Variants in DNAH8 observed in about 807,000 individuals in gnomAD.
DNAH8 encodes the protein dynein axonemal heavy chain 8, also known as axonemal beta dynein heavy chain 8.
Under a neutral mutation model 562.1 loss-of-function variants are expected in DNAH8, and 382 were observed. That is an observed-to-expected ratio of 0.68 (90% CI 0.63 to 0.74). The LOEUF is 0.74. Ranked by LOEUF, DNAH8 falls within the 30% of genes least tolerant of loss-of-function variation. The pLI is 0.00. For synonymous variants in DNAH8, 1,881 were observed against 1,919.4 expected, an observed-to-expected ratio of 0.98 and a Z score of 0.52; for missense variants, 5,203 against 5,620.4, an observed-to-expected ratio of 0.93 and a Z score of 2.37.
At chr6:38,805,251 T>C (rs1309974365) in intron 22 of DNAH8, among the ~76,000 whole-genome samples, 1 of 152,250 alleles carries the variant, frequency 6.6e-6, no homozygotes, top group Non-Finnish European at 1.5e-5. Flanking sequence ...CTAGATTGTA[T>C]ATTTACAGAG....
At chr6:38,883,506 TA>T (rs1778672546) in intron 55 of DNAH8, 50 bp downstream of exon 55, 1 of 1,527,078 alleles carries the variant, frequency 6.5e-7, no homozygotes, top group Non-Finnish European at 8.9e-7. Context: ...CATTTTAAAT[TA>T]GTGGTTACAA....
intron 57 of DNAH8, among the ~76,000 whole-genome samples, chr6:38,888,840 A>G (rs187980856): frequency 2.5e-4 from 38 of 152,370 alleles, no homozygotes; most frequent in South Asian, 1.7e-3. Context: ...CCCTGCTGGT[A>G]AAGTAGGGCG....
intron 35 of DNAH8, among the ~76,000 whole-genome samples, chr6:38,843,874 A>G (rs949609821): frequency 5.3e-5 from 8 of 152,056 alleles, no homozygotes; most frequent in African/African-American, 1.7e-4. Flanking sequence ...TTCCTTGTCT[A>G]GTGGCTTTGT....
chr6:38,976,088 G>A (rs1763652963), intron 85 of DNAH8, among the ~76,000 whole-genome samples: 2 of 152,250 alleles, frequency 1.3e-5, no homozygotes, highest in Admixed American at 6.5e-5. Context: ...TACCAGTGGA[G>A]TGTCCAGGAA....
intron 66 of DNAH8, 116 bp downstream of exon 66, chr6:38,911,702 G>T: frequency 1.4e-6 from 1 of 717,718 alleles, no homozygotes; most frequent in Non-Finnish European, 2.3e-6. Context: ...TTTGTTAGTA[G>T]TAGATAATTT....
rs1417803467 is a variant in DNAH8, at chr6:38,772,420, T to C, written c.1764+1861T>C. On this transcript the variant is annotated intron_variant, in intron 12 of 92. Coordinates refer to ENST00000327475, the MANE Select transcript of DNAH8 (RefSeq NM_001206927.2). ...CTACTGGGTATGAAGTGGTATCTCATTGAAGTTTTGATTTGCATTTCCCTG... is the reference window on the plus strand; with the variant it reads ...CTACTGGGTATGAAGTGGTATCTCACTGAAGTTTTGATTTGCATTTCCCTG... 2.6e-5 allele frequency among the ~76,000 whole-genome samples: 4 copies of C among 152,214 alleles called. No individual in the cohort carries two copies. The South Asian group carries it at 6.2e-4, about 24-fold the overall frequency.
At chr6:38,725,818 G>A (rs144999578) in intron 3 of DNAH8, among the ~76,000 whole-genome samples, 3 of 152,230 alleles carry the variant, frequency 2.0e-5, no homozygotes, top group African/African-American at 4.8e-5. Flanking sequence ...TTTTCATTTT[G>A]CACTATGTTC....
chr6:39,020,250 A>G (rs2281345), intron 91 of DNAH8, among the ~76,000 whole-genome samples: 80,983 of 152,002 alleles, frequency 0.53, 23,598 homozygotes, highest in Non-Finnish European at 0.66. Flanking sequence ...GGCCCTGGAA[A>G]GAGTCAGCTT....
At chr6:38,855,590 G>A (rs1476744935) in intron 41 of DNAH8, among the ~76,000 whole-genome samples, 2 of 152,124 alleles carry the variant, frequency 1.3e-5, no homozygotes, top group African/African-American at 4.8e-5. Context: ...CTTGTGATCA[G>A]ATGAGAGTAA....
intron 86 of DNAH8, among the ~76,000 whole-genome samples, chr6:38,982,759 C>G (rs1288111464): frequency 6.6e-6 from 1 of 152,242 alleles, no homozygotes; most frequent in African/African-American, 2.4e-5. Flanking sequence ...AGCTTCTCCT[C>G]ACTGGTCCTA....
intron 52 of DNAH8, among the ~76,000 whole-genome samples, chr6:38,874,275 C>T (rs1187170288): frequency 1.1e-4 from 1 of 9,470 alleles, no homozygotes. Context: ...CCTCCCCTTC[C>T]CTCCCCTCCC....
intron 11 of DNAH8, among the ~76,000 whole-genome samples, chr6:38,767,440 GA>G (rs58165668): frequency 6.8e-5 from 10 of 147,256 alleles, no homozygotes; most frequent in Admixed American, 2.0e-4. Context: ...TCCATCTCAG[GA>G]AAAAAAAAAA....
At chr6:38,917,565 A>C (rs1361837001) in intron 69 of DNAH8, among the ~76,000 whole-genome samples, 159 bp downstream of exon 69, 2 of 152,218 alleles carry the variant, frequency 1.3e-5, no homozygotes, top group Non-Finnish European at 2.9e-5. Flanking sequence ...AGAGGGATAG[A>C]TTTTAAAGCC....
At chr6:39,006,722 T>G (rs535339683) in intron 88 of DNAH8, among the ~76,000 whole-genome samples, 4 of 152,310 alleles carry the variant, frequency 2.6e-5, no homozygotes, top group Admixed American at 2.0e-4. Context: ...GTAATATGAG[T>G]AAATGTTAAC....
intron 82 of DNAH8, among the ~76,000 whole-genome samples, chr6:38,960,835 A>T (rs1762561385): frequency 6.6e-6 from 1 of 152,082 alleles, no homozygotes; most frequent in African/African-American, 2.4e-5. Flanking sequence ...TATAAAATTT[A>T]AAAAAACGAA....
At chr6:38,976,231 G>C (rs1270005926) in intron 85 of DNAH8, among the ~76,000 whole-genome samples, 2 of 152,222 alleles carry the variant, frequency 1.3e-5, no homozygotes, top group Non-Finnish European at 2.9e-5. Flanking sequence ...ATCAAGTTAT[G>C]TCTCTCTCAG....
chr6:38,731,134 G>A (rs72664242), intron 4 of DNAH8, among the ~76,000 whole-genome samples: 17,090 of 152,164 alleles, frequency 0.11, 1,193 homozygotes, highest in East Asian at 0.33. Flanking sequence ...TGGATTTTCT[G>A]TCTCTCACAG....
At position 38,737,260 on chromosome 6, in the gene DNAH8, A is replaced by G; in HGVS notation, c.952+4A>G. 7.1e-7 allele frequency: 1 copy of G among 1,413,084 alleles called. No individual in the cohort carries two copies. Among genetic ancestry groups the G allele is most frequent in the Non-Finnish European group, 9.3e-7 (1 of 1,073,566 alleles). 87.5% of individuals were successfully genotyped at this position (1,413,084 alleles called of 1,614,324 possible). A position where few individuals can be genotyped will look rare whatever the true frequency, so the allele number is the denominator to read the frequency against. ...AGATATCTTTCATTTTTAGATGGTA[A>G]GTATAAAATTTAATGTTTAGCAAAT... On this transcript the variant is annotated splice_donor_region_variant and intron_variant, in intron 6 of 92. Coordinates refer to ENST00000327475, the MANE Select transcript of DNAH8 (RefSeq NM_001206927.2).
intron 10 of DNAH8, among the ~76,000 whole-genome samples, chr6:38,757,529 G>A (rs1383903836): frequency 6.6e-6 from 1 of 152,132 alleles, no homozygotes; most frequent in Non-Finnish European, 1.5e-5. Context: ...AGTTCAATTA[G>A]ATCCCATTTG....
Sources: allele counts gnomAD v4.1 joint callset (sites outside exome capture counted in the v4.1 genomes callset), GRCh38; gene constraint gnomAD v4.1.1; transcripts MANE v1.5; gene names NCBI Gene and HGNC (gene_info 2026-07-23, HGNC 2026-07-21).